Variants in EPHA6 observed in about 807,000 individuals in gnomAD.
The protein encoded by EPHA6 is ephrin type-A receptor 6.
A neutral mutation model predicts 112.0 loss-of-function variants in EPHA6; 50 were observed. The observed-to-expected ratio is 0.45, with a 90% CI of 0.36 to 0.56. EPHA6 has a LOEUF of 0.56. Among genes scored for constraint, EPHA6 ranks in the 20% least tolerant of loss-of-function variants. The probability of loss-of-function intolerance (pLI) is 0.00; values close to 1 mark genes in which losing one functional copy is unlikely to be tolerated. For missense variants in EPHA6, 1,280 were observed against 1,417.4 expected, an observed-to-expected ratio of 0.90 and a Z score of 1.56; for synonymous variants, 529 against 490.7, an observed-to-expected ratio of 1.08 and a Z score of -1.03.
At position 97,504,687 on chromosome 3, in the gene EPHA6, C is replaced by T. The variant is rs1050331429; in HGVS notation, c.2200+20628C>T. On this transcript the variant is annotated intron_variant, in intron 10 of 17. Transcript: ENST00000389672. ...TGAGGACCCACCTAAACTGCCTGCC[C>T]GATGGTATATTTTTCTTCCTCCTCT... Among the ~76,000 whole-genome samples the T allele has an allele frequency of 3.4e-4, 52 of 152,116 alleles. 1 individual carries two copies. Among genetic ancestry groups the T allele is most frequent in the South Asian group, 1.0e-3 (5 of 4,808 alleles).
At chr3:97,467,777 C>T (rs930641427) in intron 7 of EPHA6, among the ~76,000 whole-genome samples, 1 of 151,644 alleles carries the variant, frequency 6.6e-6, no homozygotes, top group Non-Finnish European at 1.5e-5. Flanking sequence ...GTTTAAATGT[C>T]TCAATCATTT....
At chr3:96,938,253 T>C (rs59015805) in intron 2 of EPHA6, among the ~76,000 whole-genome samples, 2,440 of 152,326 alleles carry the variant, frequency 0.016, 64 homozygotes, top group African/African-American at 0.049. Context: ...TGGAATGTTT[T>C]TCCATTTCTT....
At chr3:97,221,759 C>T (rs570366976) in intron 3 of EPHA6, among the ~76,000 whole-genome samples, 3 of 152,122 alleles carry the variant, frequency 2.0e-5, no homozygotes, top group South Asian at 2.1e-4. Flanking sequence ...AGGCTGGGTG[C>T]GGTGGCTCAT....
chr3:96,957,634 C>T (rs937107591), intron 2 of EPHA6, among the ~76,000 whole-genome samples: 3 of 152,152 alleles, frequency 2.0e-5, no homozygotes, highest in Non-Finnish European at 4.4e-5. Context: ...ACATAATCAA[C>T]TCACATTGGA....
chr3:97,725,762 C>T (rs937065413), intron 15 of EPHA6, among the ~76,000 whole-genome samples: 4 of 152,074 alleles, frequency 2.6e-5, no homozygotes, highest in Non-Finnish European at 4.4e-5. Context: ...TAAAACCCTC[C>T]CACACTGTGA....
chr3:97,609,159 G>A (rs2093700245), intron 12 of EPHA6, among the ~76,000 whole-genome samples: 1 of 151,402 alleles, frequency 6.6e-6, no homozygotes, highest in Non-Finnish European at 1.5e-5. Flanking sequence ...TGACTCTGCA[G>A]GCAGGGGAAG....
chr3:96,858,300 A>G (rs1205750887), intron 1 of EPHA6, among the ~76,000 whole-genome samples: 1 of 152,108 alleles, frequency 6.6e-6, no homozygotes, highest in Non-Finnish European at 1.5e-5. Flanking sequence ...CTACGCTTAG[A>G]GAATTACATG....
intron 7 of EPHA6, among the ~76,000 whole-genome samples, chr3:97,463,532 C>T (rs963024456): frequency 6.6e-6 from 1 of 152,052 alleles, no homozygotes; most frequent in Admixed American, 6.6e-5. Context: ...CAGTAGCAGC[C>T]AGAGAATAGA....
chr3:97,166,755 A>T (rs533061592), intron 3 of EPHA6, among the ~76,000 whole-genome samples: 208 of 152,214 alleles, frequency 1.4e-3, no homozygotes, highest in Middle Eastern at 3.4e-3. Context: ...TTTCTTTCTC[A>T]TGCTGTATAA....
intron 11 of EPHA6, among the ~76,000 whole-genome samples, chr3:97,571,988 A>G (rs1260833987): frequency 6.6e-6 from 1 of 152,034 alleles, no homozygotes; most frequent in Non-Finnish European, 1.5e-5. Context: ...GGTTATTTTG[A>G]TCCATTTTTA....
chr3:97,534,721 T>C (rs912892982), intron 11 of EPHA6, among the ~76,000 whole-genome samples: 1 of 151,970 alleles, frequency 6.6e-6, no homozygotes, highest in Non-Finnish European at 1.5e-5. Context: ...GAAATAGATG[T>C]TAATTATTTC....
intron 3 of EPHA6, among the ~76,000 whole-genome samples, chr3:97,037,600 T>C (rs924242264): frequency 6.6e-6 from 1 of 152,054 alleles, no homozygotes; most frequent in Non-Finnish European, 1.5e-5. Context: ...AGTTTTGCTC[T>C]ACATGCAGTG....
intron 3 of EPHA6, among the ~76,000 whole-genome samples, chr3:97,121,214 G>T (rs1024733816): frequency 1.3e-5 from 2 of 151,908 alleles, no homozygotes; most frequent in African/African-American, 4.8e-5. Context: ...AGAGAATCTG[G>T]TTACAAAAAC....
At chr3:97,486,636 A>T in intron 10 of EPHA6, among the ~76,000 whole-genome samples, 1 of 152,184 alleles carries the variant, frequency 6.6e-6, no homozygotes, top group Admixed American at 6.5e-5. Context: ...TAATCCAGTC[A>T]TGAGGGCTGA....
intron 6 of EPHA6, among the ~76,000 whole-genome samples, chr3:97,418,075 A>G (rs1431235391): frequency 1.3e-5 from 2 of 152,162 alleles, no homozygotes; most frequent in Admixed American, 6.5e-5. Flanking sequence ...AATAAATGCA[A>G]TCAGGAGATT....
chr3:97,151,535 G>A (rs2076170486), intron 3 of EPHA6, among the ~76,000 whole-genome samples: 1 of 152,000 alleles, frequency 6.6e-6, no homozygotes, highest in Non-Finnish European at 1.5e-5. Flanking sequence ...CTTCAGAGCT[G>A]GCCATTTGAG....
intron 2 of EPHA6, among the ~76,000 whole-genome samples, chr3:96,935,395 G>A (rs551077054): frequency 6.6e-6 from 1 of 150,684 alleles, no homozygotes; most frequent in Non-Finnish European, 1.5e-5. Context: ...TTTAATTTTG[G>A]TTAAACATTT....
At chr3:97,435,039 A>G (rs1304152063) in intron 6 of EPHA6, among the ~76,000 whole-genome samples, 1 of 151,934 alleles carries the variant, frequency 6.6e-6, no homozygotes, top group East Asian at 1.9e-4. Flanking sequence ...AAAAGTTTAA[A>G]CTGCCAGTTT....
intron 1 of EPHA6, among the ~76,000 whole-genome samples, chr3:96,819,290 C>T (rs2033058814): frequency 6.6e-6 from 1 of 151,982 alleles, no homozygotes; most frequent in South Asian, 2.1e-4. Context: ...TTTTACATCA[C>T]AAAATAAGTA....
Sources: gnomAD v4.1 joint callset for allele counts (sites outside exome capture counted in the v4.1 genomes callset) on GRCh38, gnomAD v4.1.1 for gene constraint, MANE v1.5 for transcripts, NCBI Gene and HGNC (gene_info 2026-07-23, HGNC 2026-07-21) for gene names.